The following PTPRD variants were observed in gnomAD, a reference collection of about 807,000 sequenced individuals.
PTPRD encodes the protein receptor-type tyrosine-protein phosphatase delta.
PTPRD carries 34 observed loss-of-function variants against 214.5 expected under a neutral mutation model. That is an observed-to-expected ratio of 0.16 (90% CI 0.12 to 0.21). PTPRD has a LOEUF of 0.21. Ranked by LOEUF, PTPRD falls within the 10% of genes least tolerant of loss-of-function variation. The probability of loss-of-function intolerance (pLI) is 1.00; values close to 1 mark genes in which losing one functional copy is unlikely to be tolerated. For synonymous variants in PTPRD, 1,128 were observed against 845.7 expected, an observed-to-expected ratio of 1.33 and a Z score of -5.79; for missense variants, 2,545 against 2,398.7, an observed-to-expected ratio of 1.06 and a Z score of -1.27.
rs10977743 is a variant in PTPRD at position 9,432,824 on chromosome 9, G to A, written c.-236-35342C>T. ...TTTAATTTGATTTCTTATATTTCCT[G>A]TGGCATAACAAAGAAAGGATTACAG... On this transcript the variant is annotated intron_variant, in intron 8 of 45. Coordinates refer to ENST00000381196, the MANE Select transcript of PTPRD (RefSeq NM_002839.4). 4.5e-3 allele frequency among the ~76,000 whole-genome samples: 692 copies of A among 152,238 alleles called. 16 individuals are homozygous for A. The East Asian group carries it at 0.064, about 14-fold the overall frequency.
chr9:9,138,142 C>CTTTT (rs199582208), intron 10 of PTPRD, among the ~76,000 whole-genome samples: 1 of 149,680 alleles, frequency 6.7e-6, no homozygotes, highest in African/African-American at 2.5e-5. Flanking sequence ...GCAAAGAAAT[C>CTTTT]TTTTTTTTTT....
At chr9:9,130,852 A>T (rs17666445) in intron 10 of PTPRD, among the ~76,000 whole-genome samples, 33,275 of 152,110 alleles carry the variant, frequency 0.22, 4,322 homozygotes, top group Middle Eastern at 0.33. Flanking sequence ...AGCATCGTAT[A>T]TCAGGAACAG....
rs187865937 is a variant in PTPRD at position 10,546,823 on chromosome 9, A to G, written c.-600+65575T>C. Among the ~76,000 whole-genome samples, 397 of 152,266 alleles carry G rather than the reference A, an allele frequency of 2.6e-3. 2 individuals are homozygous for G. Among genetic ancestry groups the G allele is most frequent in the African/African-American group, 9.1e-3 (380 of 41,578 alleles). On this transcript the variant is annotated intron_variant, in intron 2 of 45. Coordinates refer to ENST00000381196, the MANE Select transcript of PTPRD (RefSeq NM_002839.4). ...TGTACAAAAACTTCAACGGCCAGATAGATGGATACATAGCAAAATAGGGAA... is the reference window on the plus strand; with the variant it reads ...TGTACAAAAACTTCAACGGCCAGATGGATGGATACATAGCAAAATAGGGAA...
chr9:10,612,288 T>C (rs1245242822), intron 2 of PTPRD, 110 bp downstream of exon 2: 2 of 151,912 alleles, frequency 1.3e-5, no homozygotes, highest in East Asian at 3.9e-4. Context: ...AGTCAAGTTA[T>C]TCCCAGGTAA....
chr9:8,504,217 C>T (rs370585316), intron 23 of PTPRD, 44 bp downstream of exon 23: 327 of 1,606,500 alleles, frequency 2.0e-4, no homozygotes, highest in Non-Finnish European at 2.7e-4. Context: ...AACATCTCCC[C>T]GAGGAAATAA....
At chr9:10,164,854 T>C (rs995585695) in intron 3 of PTPRD, among the ~76,000 whole-genome samples, 1 of 150,370 alleles carries the variant, frequency 6.7e-6, no homozygotes, top group Non-Finnish European at 1.5e-5. Context: ...TAATGAGATA[T>C]GCTGAGCTTG....
chr9:9,991,631 G>A (rs2095929244), intron 4 of PTPRD, among the ~76,000 whole-genome samples: 1 of 151,582 alleles, frequency 6.6e-6, no homozygotes, highest in Admixed American at 6.6e-5. Flanking sequence ...GAAGTGTTGG[G>A]ACTACAGGCA....
At chr9:9,702,301 G>A (rs376970621) in intron 7 of PTPRD, among the ~76,000 whole-genome samples, 2 of 152,166 alleles carry the variant, frequency 1.3e-5, no homozygotes, top group Non-Finnish European at 2.9e-5. Context: ...TTTACAATTA[G>A]AGAATTGGTA....
intron 14 of PTPRD, among the ~76,000 whole-genome samples, chr9:8,609,652 T>C (rs571615977): frequency 1.3e-5 from 2 of 152,246 alleles, no homozygotes; most frequent in South Asian, 4.1e-4. Flanking sequence ...TAAATAAAAA[T>C]TATAAATCAA....
intron 2 of PTPRD, among the ~76,000 whole-genome samples, chr9:10,592,795 A>C (rs1419546641): frequency 1.3e-5 from 2 of 152,000 alleles, no homozygotes; most frequent in Non-Finnish European, 2.9e-5. Context: ...GGAGTCTAAA[A>C]GTAGCCAATC....
At chr9:9,413,566 C>A (rs2076162674) in intron 8 of PTPRD, among the ~76,000 whole-genome samples, 1 of 152,212 alleles carries the variant, frequency 6.6e-6, no homozygotes, top group Non-Finnish European at 1.5e-5. Context: ...TCCAAAAAAA[C>A]AAAGAAAACC....
At chr9:10,324,866 TTAAC>T in intron 3 of PTPRD, among the ~76,000 whole-genome samples, 1 of 152,158 alleles carries the variant, frequency 6.6e-6, no homozygotes, top group Middle Eastern at 3.4e-3. Flanking sequence ...TGGAACTAAT[TTAAC>T]AATCAAATGT....
chr9:9,453,373 A>G lies in PTPRD; in HGVS notation c.-236-55891T>C, dbSNP rs143219554. 7.7e-3 allele frequency among the ~76,000 whole-genome samples: 1,165 copies of G among 151,784 alleles called. 10 individuals are homozygous for G. Among genetic ancestry groups the G allele is most frequent in the African/African-American group, 0.027 (1,125 of 41,494 alleles). ...ATTTAGATTTCCAAATAATTTCTGAAGTCCAAAAGGCAACATAATATCATA... is the reference window on the plus strand; with the variant it reads ...ATTTAGATTTCCAAATAATTTCTGAGGTCCAAAAGGCAACATAATATCATA... On this transcript the variant is annotated intron_variant, in intron 8 of 45. Transcript: ENST00000381196.
At chr9:10,448,576 A>C (rs1464657970) in intron 2 of PTPRD, among the ~76,000 whole-genome samples, 1 of 151,986 alleles carries the variant, frequency 6.6e-6, no homozygotes, top group Non-Finnish European at 1.5e-5. Context: ...CCTTACCGGT[A>C]GTGGTTTAAA....
intron 12 of PTPRD, among the ~76,000 whole-genome samples, chr9:8,680,884 A>G (rs1361023404): frequency 6.6e-6 from 1 of 152,182 alleles, no homozygotes; most frequent in Non-Finnish European, 1.5e-5. Flanking sequence ...GATTGGCCTC[A>G]CGGGACTGAT....
At chr9:8,561,547 C>T (rs761759428) in intron 14 of PTPRD, among the ~76,000 whole-genome samples, 23 of 152,220 alleles carry the variant, frequency 1.5e-4, no homozygotes, top group Middle Eastern at 3.4e-3. Flanking sequence ...GGTGTACAAG[C>T]GAGACTCAGC....
At chr9:9,961,649 G>C (rs548400980) in intron 4 of PTPRD, among the ~76,000 whole-genome samples, 26 of 152,272 alleles carry the variant, frequency 1.7e-4, no homozygotes, top group East Asian at 5.8e-4. Context: ...TGTTATGACA[G>C]AGTGTGGGAA....
At chr9:9,459,540 C>A (rs1047555094) in intron 8 of PTPRD, among the ~76,000 whole-genome samples, 4 of 151,980 alleles carry the variant, frequency 2.6e-5, no homozygotes, top group African/African-American at 7.2e-5. Flanking sequence ...AAAATCAATT[C>A]CATTTCTGTA....
intron 5 of PTPRD, among the ~76,000 whole-genome samples, chr9:9,863,898 C>T (rs1422648929): frequency 6.6e-6 from 1 of 151,066 alleles, no homozygotes; most frequent in Non-Finnish European, 1.5e-5. Context: ...TATACCTGAT[C>T]CCTGTCCAGT....
Sources: allele counts gnomAD v4.1 joint callset (sites outside exome capture counted in the v4.1 genomes callset), GRCh38; gene constraint gnomAD v4.1.1; transcripts MANE v1.5; gene names NCBI Gene and HGNC (gene_info 2026-07-23, HGNC 2026-07-21).